MAST4: variants seen among roughly 807,000 people sequenced by gnomAD.
The protein encoded by MAST4 is microtubule associated serine/threonine kinase family member 4, also known as microtubule-associated serine/threonine-protein kinase 4.
Under a neutral mutation model 162.7 loss-of-function variants are expected in MAST4, and 89 were observed. The ratio of observed to expected loss-of-function variants is 0.55; its 90% CI spans 0.46 to 0.65. The LOEUF is 0.65. Among genes scored for constraint, MAST4 ranks in the 30% least tolerant of loss-of-function variants. MAST4 has a pLI of 0.00. For synonymous variants in MAST4, 1,479 were observed against 1,361.1 expected (o/e 1.09, Z -1.91); for missense variants, 3,153 against 3,374.0 (o/e 0.93, Z 1.62).
chr5:67,101,474 G>GA lies in MAST4; in HGVS notation c.1070+884dup, dbSNP rs546687469. Among the ~76,000 whole-genome samples the GA allele has an allele frequency of 6.7e-3, 1,019 of 152,326 alleles. 7 individuals carry two copies. Among genetic ancestry groups the GA allele is most frequent in the Middle Eastern group, 0.014 (4 of 294 alleles). ...AAGGTTTCTGTGGATAGCACTCCCA[G>GA]AAGCCGGGCAACAGGTCCTTCTTTG... On this transcript the variant is annotated intron_variant, in intron 8 of 28. Transcript: ENST00000403625.
chr5:67,078,611 AAT>A (rs1348291200), intron 5 of MAST4, among the ~76,000 whole-genome samples: 1 of 144,082 alleles, frequency 6.9e-6, no homozygotes, highest in East Asian at 2.0e-4. Flanking sequence ...TAAAGCTGGA[AAT>A]ATATATTTAT....
At chr5:66,865,409 A>G (rs1760436856) in intron 3 of MAST4, among the ~76,000 whole-genome samples, 1 of 109,848 alleles carries the variant, frequency 9.1e-6, no homozygotes, top group Non-Finnish European at 2.3e-5. Flanking sequence ...TAGTCAGTAC[A>G]CAAATAGTTT....
chr5:66,696,328 A>G (rs1749397314), intron 1 of MAST4, among the ~76,000 whole-genome samples: 1 of 151,962 alleles, frequency 6.6e-6, no homozygotes, highest in Non-Finnish European at 1.5e-5. Context: ...TAACAAACCT[A>G]CATGTCTTCC....
chr5:66,689,038 A>C (rs930589119), intron 1 of MAST4, among the ~76,000 whole-genome samples: 1 of 152,190 alleles, frequency 6.6e-6, no homozygotes, highest in African/African-American at 2.4e-5. Flanking sequence ...TATCCTTAGG[A>C]AAAAGTTTTA....
intron 1 of MAST4, among the ~76,000 whole-genome samples, chr5:66,613,319 A>AC (rs1433890907): frequency 2.4e-5 from 3 of 127,172 alleles, no homozygotes; most frequent in Non-Finnish European, 4.9e-5. Context: ...TTATCAGATA[A>AC]CCCTTTTTTT....
chr5:66,722,327 C>T (rs1011364111), intron 1 of MAST4, among the ~76,000 whole-genome samples: 5 of 152,022 alleles, frequency 3.3e-5, no homozygotes, highest in Non-Finnish European at 7.4e-5. Context: ...GAAATTTTTA[C>T]CCTATGTAGG....
Position 67,134,629 on chromosome 5 carries a change from T to G in MAST4, c.2333T>G (p.Val778Gly). Reference protein sequence around the residue: ...AMGIILYEFLVGCVPFFGDTP... With the variant: ...AMGIILYEFLGGCVPFFGDTP... Reference sequence around the variant, plus strand: ...GGGATTATCCTCTATGAATTTCTGGTTGGATGCGTGCCATTCTTTGGGGAT... The same window carrying G: ...GGGATTATCCTCTATGAATTTCTGGGTGGATGCGTGCCATTCTTTGGGGAT... The change falls in exon 18 of 29, where the codon GTT becomes GGT. Residue 778 changes from valine to glycine, a missense_variant. Val to Gly is a moderately radical substitution (Grantham distance 109). Coordinates refer to ENST00000403625, the MANE Select transcript of MAST4 (RefSeq NM_001164664.2). The G allele has an allele frequency of 6.2e-7, 1 of 1,613,768 alleles. No homozygotes were observed. Among genetic ancestry groups the G allele is most frequent in the Non-Finnish European group, 8.5e-7 (1 of 1,179,718 alleles).
intron 1 of MAST4, among the ~76,000 whole-genome samples, chr5:66,609,969 G>A (rs1343708355): frequency 6.6e-6 from 1 of 152,030 alleles, no homozygotes; most frequent in Non-Finnish European, 1.5e-5. Flanking sequence ...TAAATTTATT[G>A]TCTCACAGTT....
At chr5:66,644,765 T>G (rs1282680266) in intron 1 of MAST4, among the ~76,000 whole-genome samples, 1 of 150,326 alleles carries the variant, frequency 6.7e-6, no homozygotes, top group East Asian at 1.9e-4. Flanking sequence ...TTTTTTTTTG[T>G]AAATGGAAAT....
At chr5:66,860,239 T>TA (rs1158137856) in intron 3 of MAST4, among the ~76,000 whole-genome samples, 1 of 152,196 alleles carries the variant, frequency 6.6e-6, no homozygotes. Context: ...TTATAAACAT[T>TA]ACAGTAGTTG....
At chr5:66,800,355 T>C (rs946130762) in intron 3 of MAST4, among the ~76,000 whole-genome samples, 3 of 152,208 alleles carry the variant, frequency 2.0e-5, no homozygotes, top group African/African-American at 7.2e-5. Context: ...TGGAATATTA[T>C]GCAGCCATAG....
At chr5:66,881,028 G>T (rs1431802079) in intron 3 of MAST4, among the ~76,000 whole-genome samples, 1 of 152,064 alleles carries the variant, frequency 6.6e-6, no homozygotes, top group Non-Finnish European at 1.5e-5. Flanking sequence ...AAATATTAAT[G>T]AACTTTCACA....
chr5:66,939,592 G>A (rs1178708815), intron 4 of MAST4, among the ~76,000 whole-genome samples: 1 of 151,970 alleles, frequency 6.6e-6, no homozygotes, highest in Admixed American at 6.6e-5. Flanking sequence ...GTATCAATTT[G>A]TAATTGTTTT....
intron 4 of MAST4, among the ~76,000 whole-genome samples, chr5:67,023,981 T>C (rs1020428671): frequency 6.6e-6 from 1 of 151,998 alleles, no homozygotes; most frequent in Admixed American, 6.6e-5. Flanking sequence ...TAGTGTTAAG[T>C]ACATTTACAG....
chr5:66,639,959 A>G (rs564221916), intron 1 of MAST4, among the ~76,000 whole-genome samples: 25 of 152,314 alleles, frequency 1.6e-4, no homozygotes, highest in African/African-American at 5.8e-4. Context: ...AAGAGCATCT[A>G]AACACTATTC....
At chr5:66,779,978 C>G (rs1754780638) in intron 2 of MAST4, among the ~76,000 whole-genome samples, 1 of 152,024 alleles carries the variant, frequency 6.6e-6, no homozygotes, top group African/African-American at 2.4e-5. Flanking sequence ...TCCTTTTGGA[C>G]AACAAAAAGG....
intron 4 of MAST4, among the ~76,000 whole-genome samples, chr5:67,043,217 CAAATT>C (rs1756976804): frequency 6.6e-6 from 1 of 152,084 alleles, no homozygotes; most frequent in African/African-American, 2.4e-5. Context: ...ATATATTCAC[CAAATT>C]AAATAGTTCT....
At chr5:66,706,608 A>ATTTTT (rs11294899) in intron 1 of MAST4, among the ~76,000 whole-genome samples, 3 of 149,184 alleles carry the variant, frequency 2.0e-5, no homozygotes, top group Non-Finnish European at 1.5e-5. Flanking sequence ...AGAAATAGTA[A>ATTTTT]TTTTTTTTTT....
intron 16 of MAST4, among the ~76,000 whole-genome samples, 187 bp downstream of exon 16, chr5:67,132,138 A>T (rs1340312468): frequency 6.6e-6 from 1 of 152,162 alleles, no homozygotes; most frequent in Non-Finnish European, 1.5e-5. Flanking sequence ...TTGGAAGTTC[A>T]GGAAACTCAT....
Sources: gnomAD v4.1 joint callset for allele counts (sites outside exome capture counted in the v4.1 genomes callset) on GRCh38, gnomAD v4.1.1 for gene constraint, MANE v1.5 for transcripts, NCBI Gene and HGNC (gene_info 2026-07-23, HGNC 2026-07-21) for gene names.